The following PPFIA3 variants were observed in gnomAD, a reference collection of about 807,000 sequenced individuals.
The protein encoded by PPFIA3 is PPFI scaffold protein A3.
A neutral mutation model predicts 145.8 loss-of-function variants in PPFIA3; 26 were observed. The ratio of observed to expected loss-of-function variants is 0.18; its 90% CI spans 0.13 to 0.25. The LOEUF is 0.25. Among genes scored for constraint, PPFIA3 ranks in the 10% least tolerant of loss-of-function variants. The probability of loss-of-function intolerance (pLI) is 1.00; values close to 1 mark genes in which losing one functional copy is unlikely to be tolerated. For missense variants in PPFIA3, 1,008 were observed against 1,587.8 expected, an observed-to-expected ratio of 0.63 and a Z score of 6.21; for synonymous variants, 645 against 661.4, an observed-to-expected ratio of 0.98 and a Z score of 0.38.
rs966079307 is a variant in PPFIA3, at chr19:49,120,261, G to A, written c.-16+539G>A. 2.0e-5 allele frequency among the ~76,000 whole-genome samples: 3 copies of A among 151,902 alleles called. No homozygotes were observed. Among genetic ancestry groups the A allele is most frequent in the Non-Finnish European group, 2.9e-5 (2 of 67,886 alleles). ...TCCTGCCGCCGCCACCAGGGAGGGG[G>A]CGCAGGCGGCGCGGGGATCCCCCCG... On this transcript the variant is annotated intron_variant, in intron 1 of 29. Transcript: ENST00000334186. The surrounding 1 kb of genome is among the most constrained non-coding windows in gnomAD (Gnocchi z 4.6).
chr19:49,135,764 T>G lies in PPFIA3; in HGVS notation c.1521-15T>G. On this transcript the variant is annotated splice_polypyrimidine_tract_variant and intron_variant, in intron 13 of 29. Coordinates refer to ENST00000334186, the MANE Select transcript of PPFIA3 (RefSeq NM_003660.4). ...CTGACCCCTTGGTCTCTGACTGCTT[T>G]CCTCATGCCCACAGGTCTCTCCCTG... 1.3e-6 allele frequency: 2 copies of G among 1,599,998 alleles called. No homozygotes were observed. The highest frequency in any genetic ancestry group is 1.7e-6 in the Non-Finnish European group (2 of 1,172,886).
chr19:49,122,974 G>T (rs990513893), intron 1 of PPFIA3, among the ~76,000 whole-genome samples: 1 of 151,922 alleles, frequency 6.6e-6, no homozygotes, highest in African/African-American at 2.4e-5. Flanking sequence ...ACCTGCCTCT[G>T]CCTCCCAAAG....
intron 28 of PPFIA3, 21 bp from the exon 29 acceptor site, chr19:49,150,059 C>A: frequency 6.2e-7 from 1 of 1,601,306 alleles, no homozygotes; most frequent in Non-Finnish European, 8.5e-7. Context: ...CAGGCTGAAC[C>A]GCTGCTCGCT....
intron 25 of PPFIA3, 73 bp downstream of exon 25, chr19:49,148,836 G>A (rs939906037): frequency 1.4e-5 from 21 of 1,540,692 alleles, no homozygotes; most frequent in Middle Eastern, 1.7e-4. Flanking sequence ...AGAGGGGGTA[G>A]GGGGAGACCG....
intron 1 of PPFIA3, among the ~76,000 whole-genome samples, chr19:49,123,164 G>T (rs2040957652): frequency 1.3e-5 from 2 of 152,080 alleles, no homozygotes; most frequent in African/African-American, 4.8e-5. Context: ...AAATAGCTGG[G>T]ACTACAGGCA....
intron 15 of PPFIA3, chr19:49,137,210 C>T (rs374060931): frequency 1.0e-5 from 3 of 288,808 alleles, no homozygotes; most frequent in African/African-American, 4.3e-5. Context: ...ATTACGCCAT[C>T]GATTTTGTGG....
chr19:49,150,293 G>C lies in PPFIA3; in HGVS notation c.*71G>C. The C allele has an allele frequency of 1.2e-6, 1 of 808,408 alleles. No homozygotes were observed. Among genetic ancestry groups the C allele is most frequent in the South Asian group, 1.8e-5 (1 of 55,892 alleles). The allele number at this position is 808,408 out of a possible 1,614,324, so 50.1% of individuals were successfully genotyped here. On this transcript the variant is annotated 3_prime_UTR_variant, in exon 30 of 30. Transcript: ENST00000334186. ...GGCTGGGCTGTTCCCTCTCCTGCCC[G>C]GACTGTGGCCTCGCCGGGGAGAGCG...
intron 7 of PPFIA3, among the ~76,000 whole-genome samples, chr19:49,131,882 C>T (rs990886371): frequency 2.6e-5 from 4 of 151,794 alleles, no homozygotes; most frequent in South Asian, 2.1e-4. Flanking sequence ...TGATGTCGGG[C>T]GCCCGTAGTC....
At chr19:49,126,389 C>T (rs1434259877) in intron 1 of PPFIA3, among the ~76,000 whole-genome samples, 2 of 152,074 alleles carry the variant, frequency 1.3e-5, no homozygotes, top group Non-Finnish European at 2.9e-5. Flanking sequence ...GCTGGGACTA[C>T]AGGTGCATGC....
intron 1 of PPFIA3, among the ~76,000 whole-genome samples, 193 bp downstream of exon 1, chr19:49,119,915 C>T (rs183304310): frequency 1.3e-5 from 2 of 151,890 alleles, no homozygotes; most frequent in Non-Finnish European, 2.9e-5. Context: ...CCCTAGAATC[C>T]CGGGCGCACC....
rs527893212 is a variant in PPFIA3, at chr19:49,131,322, C to T, written c.879+723C>T. Among the ~76,000 whole-genome samples the T allele has an allele frequency of 1.6e-3, 236 of 143,160 alleles. 1 individual carries two copies. The highest frequency in any genetic ancestry group is 6.2e-3 in the African/African-American group (230 of 37,346). The allele number at this position is 143,160 out of a possible 152,430, so 93.9% of individuals were successfully genotyped here. ...TAGCTGGGACTACAGGTGTGCACCA[C>T]CACACCTGGCTAATTTTTTTTTTTT... On this transcript the variant is annotated intron_variant, in intron 7 of 29. Coordinates refer to ENST00000334186, the MANE Select transcript of PPFIA3 (RefSeq NM_003660.4).
chr19:49,129,289 C>G, intron 4 of PPFIA3, 91 bp from the exon 5 acceptor site: 2 of 1,355,348 alleles, frequency 1.5e-6, no homozygotes, highest in Non-Finnish European at 2.0e-6. Context: ...GCTGCCCTAT[C>G]GGATCCGTCC....
At chr19:49,142,710 C>G in intron 20 of PPFIA3, 94 bp from the exon 21 acceptor site, 1 of 1,073,750 alleles carries the variant, frequency 9.3e-7, no homozygotes, top group African/African-American at 1.6e-5. Flanking sequence ...CTCCCCACCC[C>G]CTTGCCTTTC....
chr19:49,148,109 C>T lies in PPFIA3; in HGVS notation c.2862C>T (p.His954=), dbSNP rs762617993. 1.9e-6 allele frequency: 3 copies of T among 1,613,452 alleles called. No homozygotes were observed. Among genetic ancestry groups the T allele is most frequent in the Non-Finnish European group, 1.7e-6 (2 of 1,179,706 alleles). ...EQILAYGDMN[H]EWVGNDWLPS... ...TCCTGGCATATGGCGACATGAACCA[C>T]GAGTGGGTGGGGAACGACTGGCTGC... Residue 954 remains histidine, a synonymous_variant, in exon 24 of 30, where the codon CAC becomes CAT. Coordinates refer to ENST00000334186, the MANE Select transcript of PPFIA3 (RefSeq NM_003660.4).
chr19:49,146,236 C>A lies in PPFIA3; in HGVS notation c.2835+44C>A, dbSNP rs1336701855. The A allele has an allele frequency of 1.9e-6, 3 of 1,605,590 alleles. No homozygotes were observed. In the African/African-American group the frequency reaches 4.0e-5, roughly 21 times the overall value. On this transcript the variant is annotated intron_variant, in intron 23 of 29. Coordinates refer to ENST00000334186, the MANE Select transcript of PPFIA3 (RefSeq NM_003660.4). ...GGCGTGAGCGCATGAACAGGCTGTG[C>A]ACGACGCATGGATGCCCCTCCTCCG...
rs1025269174 is a variant in PPFIA3 at position 49,149,516 on chromosome 19, C to T, written c.3355-31C>T. 1 of 1,613,330 alleles carries T rather than the reference C, an allele frequency of 6.2e-7. No homozygotes were observed. The highest frequency in any genetic ancestry group is 1.3e-5 in the African/African-American group (1 of 74,916). ...GGGCGGAGTCAGACAAGGCAGGAGTCCCTCACCGGCTGTCCGGCTCCTATA... is the reference window on the plus strand; with the variant it reads ...GGGCGGAGTCAGACAAGGCAGGAGTTCCTCACCGGCTGTCCGGCTCCTATA... On this transcript the variant is annotated intron_variant, in intron 27 of 29. Transcript: ENST00000334186. The surrounding 1 kb of genome is among the most constrained non-coding windows in gnomAD (Gnocchi z 5.7).
Position 49,139,677 on chromosome 19 carries a change from C to A in PPFIA3, c.2086C>A (p.Pro696Thr). The A allele has an allele frequency of 6.2e-7, 1 of 1,601,284 alleles. No individual in the cohort carries two copies. The highest frequency in any genetic ancestry group is 8.5e-7 in the Non-Finnish European group (1 of 1,173,756). ...TGCCCTCTGTCCTCAGAATCATGTC[C>A]CTAAGGAGGAAGCTGGAGCTCCACG... ...REGTDKANHV[P>T]KEEAGAPRGE... The change falls in exon 17 of 30, where the codon CCT becomes ACT. Residue 696 changes from proline to threonine, a missense_variant. By Grantham distance (38) the Pro-to-Thr change is conservative (BLOSUM62 -1). Around this residue, in one of 11 missense-constraint regions of PPFIA3, gnomAD observed 202 missense variants for 241.8 expected, o/e 0.84. Coordinates refer to ENST00000334186, the MANE Select transcript of PPFIA3 (RefSeq NM_003660.4).
intron 21 of PPFIA3, among the ~76,000 whole-genome samples, chr19:49,143,475 C>G (rs1173521016): frequency 2.6e-5 from 4 of 152,144 alleles, no homozygotes; most frequent in Non-Finnish European, 4.4e-5. Context: ...CGGGTTCAAG[C>G]CATTCTCCTG....
chr19:49,150,172 C>T (rs767418349), intron 29 of PPFIA3, 21 bp downstream of exon 29: 1 of 1,591,944 alleles, frequency 6.3e-7, no homozygotes, highest in Non-Finnish European at 8.6e-7. Flanking sequence ...TGCTGGGCGA[C>T]CTTGGGGGTG....
Sources: gnomAD v4.1 joint callset for allele counts (sites outside exome capture counted in the v4.1 genomes callset) on GRCh38, gnomAD v4.1.1 for gene constraint, gnomAD v4.1.1 regional missense constraint, Gnocchi (gnomAD v3.1) non-coding constraint, MANE v1.5 for transcripts, NCBI Gene and HGNC (gene_info 2026-07-23, HGNC 2026-07-21) for gene names.